LTF: variants seen among roughly 807,000 people sequenced by gnomAD.
The protein encoded by LTF is epididymis luminal protein 110.
Under a neutral mutation model 87.2 loss-of-function variants are expected in LTF, and 91 were observed. That is an observed-to-expected ratio of 1.04 (90% CI 0.88 to 1.24). LTF has a LOEUF of 1.24. Among genes scored for constraint, LTF ranks in the 50% most tolerant of loss-of-function variants. LTF has a pLI of 0.00. For missense variants in LTF, 901 were observed against 904.3 expected (o/e 1.00, Z 0.05); for synonymous variants, 378 against 356.1 (o/e 1.06, Z -0.69).
chr3:46,448,733 C>G (rs1310263962), intron 9 of LTF, 130 bp downstream of exon 9: 1 of 1,093,724 alleles, frequency 9.1e-7, no homozygotes, highest in African/African-American at 1.6e-5. Context: ...CCTGAGCACA[C>G]CTCTCCAGGC....
chr3:46,447,828 C>G (rs1559597304), intron 9 of LTF, among the ~76,000 whole-genome samples: 1 of 152,128 alleles, frequency 6.6e-6, no homozygotes, highest in Non-Finnish European at 1.5e-5. Flanking sequence ...ATTGGCCCAC[C>G]ACCAGAATGA....
intron 16 of LTF, 46 bp downstream of exon 16, chr3:46,437,894 T>A: frequency 6.5e-7 from 1 of 1,545,446 alleles, no homozygotes. Flanking sequence ...AACCTTGACC[T>A]TCACCCATGG....
At chr3:46,464,693 C>T (rs1293813633) in intron 1 of LTF, 132 bp downstream of exon 1, 2 of 949,304 alleles carry the variant, frequency 2.1e-6, no homozygotes, top group Non-Finnish European at 1.6e-6. Flanking sequence ...CGCCTCCCGG[C>T]TGTAGGCGCT....
At chr3:46,443,343 G>T in intron 13 of LTF, 98 bp downstream of exon 13, 1 of 1,435,162 alleles carries the variant, frequency 7.0e-7, no homozygotes, top group Non-Finnish European at 9.7e-7. Flanking sequence ...CCCCCACTCT[G>T]CTGTGACAGG....
chr3:46,459,032 G>A (rs1193360643), intron 2 of LTF, among the ~76,000 whole-genome samples: 1 of 152,190 alleles, frequency 6.6e-6, no homozygotes, highest in East Asian at 1.9e-4. Context: ...TATTCACTCT[G>A]CTGGAGTTGA....
chr3:46,438,998 C>T (rs2106826899), intron 15 of LTF, among the ~76,000 whole-genome samples: 1 of 152,142 alleles, frequency 6.6e-6, no homozygotes, highest in East Asian at 1.9e-4. Context: ...TCCTCATTTG[C>T]CAGAAGAACA....
chr3:46,461,722 T>A (rs1703085875), intron 1 of LTF, among the ~76,000 whole-genome samples: 1 of 152,152 alleles, frequency 6.6e-6, no homozygotes, highest in South Asian at 2.1e-4. Flanking sequence ...AGTTGCACAC[T>A]CGGTAAGGTT....
rs1475788873 is a variant in LTF at position 46,439,403 on chromosome 3, G to A, written c.1801C>T (p.Pro601Ser). ...TGGCAGCTTCTAGCCTCAGTCACAG[G>A]CTTCCGTTTGCCATCGAGGCACAGC... Reference protein sequence around the residue: ...ALLCLDGKRKPVTEARSCHLA... With the variant: ...ALLCLDGKRKSVTEARSCHLA... Residue 601 changes from proline (P) to serine (S), a missense_variant, in exon 15 of 17, where the codon CCT becomes TCT. Transcript: ENST00000231751. 6.2e-7 allele frequency: 1 copy of A among 1,614,120 alleles called. No homozygotes were observed. Among genetic ancestry groups the A allele is most frequent in the Admixed American group, 1.7e-5 (1 of 60,006 alleles).
At chr3:46,479,973 G>A (rs1414924629) in intron 1 of LTF, among the ~76,000 whole-genome samples, 1 of 152,184 alleles carries the variant, frequency 6.6e-6, no homozygotes, top group Non-Finnish European at 1.5e-5. Flanking sequence ...ATGGCACCAA[G>A]GTGTTTGGCC....
At chr3:46,436,375 A>G (rs548130676) in intron 16 of LTF, 146 bp from the exon 17 acceptor site, 2 of 713,752 alleles carry the variant, frequency 2.8e-6, no homozygotes, top group South Asian at 3.4e-5. Flanking sequence ...TCATATTCCC[A>G]CTCCCCTACT....
intron 1 of LTF, among the ~76,000 whole-genome samples, chr3:46,482,659 AGAAGGAAGGAAG>A (rs1206921702): frequency 0.02 from 1,209 of 60,154 alleles, 70 homozygotes; most frequent in Non-Finnish European, 0.024. Context: ...AAAGAAAGAA[AGAAGGAAGGAAG>A]GAAGGAAGGA....
chr3:46,458,976 T>G (rs2106890923), intron 2 of LTF, among the ~76,000 whole-genome samples: 1 of 152,374 alleles, frequency 6.6e-6, no homozygotes, highest in Non-Finnish European at 1.5e-5. Flanking sequence ...TCCATTGTAT[T>G]TATAAGATAA....
chr3:46,480,347 C>T (rs778893624), intron 1 of LTF, among the ~76,000 whole-genome samples: 12 of 152,140 alleles, frequency 7.9e-5, no homozygotes, highest in Non-Finnish European at 1.8e-4. Context: ...GTTTGGACTC[C>T]GCAACCTTCC....
At chr3:46,443,645 C>A in intron 12 of LTF, 63 bp from the exon 13 acceptor site, 1 of 1,566,326 alleles carries the variant, frequency 6.4e-7, no homozygotes. Flanking sequence ...CAACCTTTAC[C>A]TAACAGCCGA....
chr3:46,455,796 C>A lies in LTF; in HGVS notation c.499G>T (p.Ala167Ser). 1 of 1,559,538 alleles carries A rather than the reference C, an allele frequency of 6.4e-7. No homozygotes were observed. The highest frequency in any genetic ancestry group is 8.7e-7 in the Non-Finnish European group (1 of 1,153,430). ...ACTCACTATCCCCCAGCCATCTTAC[C>A]TGCCTCAATGGGCTCAGGTGGACCC... ...WTGPPEPIEA[A>S]VARFFSASCV... Residue 167 changes from alanine to serine, a missense_variant and splice_region_variant, in exon 4 of 17, where the codon GCT (alanine) becomes TCT (serine). By Grantham distance (99) the Ala-to-Ser change is moderately conservative (BLOSUM62 1). Transcript: ENST00000231751.
chr3:46,462,871 T>A (rs1161991975), intron 1 of LTF, among the ~76,000 whole-genome samples: 1 of 134,126 alleles, frequency 7.5e-6, no homozygotes, highest in African/African-American at 2.9e-5. Flanking sequence ...GAGAGTAAAA[T>A]GGAAGACCAT....
At chr3:46,451,896 T>C (rs1702812667) in intron 6 of LTF, among the ~76,000 whole-genome samples, 1 of 152,224 alleles carries the variant, frequency 6.6e-6, no homozygotes, top group African/African-American at 2.4e-5. Context: ...CGCCTGGCCA[T>C]AAGTTATTGG....
chr3:46,455,130 A>G (rs534038661), intron 5 of LTF, among the ~76,000 whole-genome samples, 165 bp downstream of exon 5: 5 of 152,202 alleles, frequency 3.3e-5, no homozygotes, highest in Non-Finnish European at 7.4e-5. Flanking sequence ...AGGGGAACAC[A>G]CACTGGGCAG....
chr3:46,482,607 A>G (rs1440002622), intron 1 of LTF, among the ~76,000 whole-genome samples: 1 of 130,152 alleles, frequency 7.7e-6, no homozygotes, highest in African/African-American at 2.9e-5. Context: ...GAAAGAAAGA[A>G]AGAAGAAAGA....
Sources: allele counts gnomAD v4.1 joint callset (sites outside exome capture counted in the v4.1 genomes callset), GRCh38; gene constraint gnomAD v4.1.1; transcripts MANE v1.5; gene names NCBI Gene and HGNC (gene_info 2026-07-23, HGNC 2026-07-21).